PXDNL: variants seen among roughly 807,000 people sequenced by gnomAD.
PXDNL encodes probable oxidoreductase PXDNL.
In PXDNL, 145 loss-of-function variants were observed where a neutral mutation model predicts 150.8. The observed-to-expected ratio is 0.96, with a 90% confidence interval of 0.84 to 1.10. The LOEUF is 1.10. Ranked by LOEUF, PXDNL falls within the 50% of genes least tolerant of loss-of-function variation. PXDNL has a pLI of 0.00. For synonymous variants in PXDNL, 757 were observed against 725.7 expected (o/e 1.04, Z -0.69); for missense variants, 2,087 against 1,873.9 (o/e 1.11, Z -2.10).
chr8:51,366,059 T>A (rs931341972), intron 19 of PXDNL, among the ~76,000 whole-genome samples: 2 of 152,190 alleles, frequency 1.3e-5, no homozygotes, highest in South Asian at 2.1e-4. Context: ...ACATTTACGA[T>A]GATGACAGAG....
At chr8:51,379,710 C>T (rs974684996) in intron 17 of PXDNL, among the ~76,000 whole-genome samples, 1 of 151,842 alleles carries the variant, frequency 6.6e-6, no homozygotes, top group African/African-American at 2.4e-5. Context: ...ATTTTGTGTA[C>T]CTTACTAAAA....
chr8:51,515,184 C>G (rs996335804), intron 4 of PXDNL, among the ~76,000 whole-genome samples: 1 of 152,108 alleles, frequency 6.6e-6, no homozygotes, highest in African/African-American at 2.4e-5. Flanking sequence ...GAGGGACAAT[C>G]GGGGTGATAT....
In PXDNL at chr8:51,425,858, G is replaced by A. The variant is rs534913487; in HGVS notation, c.1638+788C>T. Among the ~76,000 whole-genome samples, 9 of 152,142 alleles carry A rather than the reference G, an allele frequency of 5.9e-5. No homozygotes were observed. In the East Asian group the frequency reaches 1.4e-3, roughly 23 times the overall value. On this transcript the variant is annotated intron_variant, in intron 13 of 22. Coordinates refer to ENST00000356297, the MANE Select transcript of PXDNL (RefSeq NM_144651.5). Reference sequence around the variant, plus strand: ...ACAAAAAAATTCAGACTACTGAGAGGACATGAACCGAAAGACACCTAAACT... The same window carrying A: ...ACAAAAAAATTCAGACTACTGAGAGAACATGAACCGAAAGACACCTAAACT...
rs146013463 is a variant in PXDNL at position 51,572,127 on chromosome 8, C to T, written c.309-15216G>A. Reference sequence around the variant, plus strand: ...ATAATGGGTTTATCAGGACATAACCCCATCATAAGTTAAGCAGCACTTGCA... The same window carrying T: ...ATAATGGGTTTATCAGGACATAACCTCATCATAAGTTAAGCAGCACTTGCA... On this transcript the variant is annotated intron_variant, in intron 3 of 22. Coordinates refer to ENST00000356297, the MANE Select transcript of PXDNL (RefSeq NM_144651.5). 1.2e-3 allele frequency among the ~76,000 whole-genome samples: 183 copies of T among 151,540 alleles called. 2 individuals are homozygous for T. The East Asian group carries it at 0.034, about 29-fold the overall frequency.
rs995046352 is a variant in PXDNL at position 51,701,456 on chromosome 8, G to A, written c.165-46696C>T. Among the ~76,000 whole-genome samples the A allele has an allele frequency of 3.9e-5, 6 of 152,242 alleles. No individual in the cohort carries two copies. The South Asian group carries it at 1.0e-3, about 26-fold the overall frequency. On this transcript the variant is annotated intron_variant, in intron 1 of 22. Coordinates refer to ENST00000356297, the MANE Select transcript of PXDNL (RefSeq NM_144651.5). ...ATAATCATTTTCTCCTTGCCATAGA[G>A]GAGGGTGAGTTAGAAATTCCAGGGC... is the stretch of plus-strand genomic sequence containing the variant.
In PXDNL at chr8:51,612,033, C is replaced by T. The variant is rs866189102; in HGVS notation, c.237-19335G>A. Among the ~76,000 whole-genome samples the T allele has an allele frequency of 2.0e-5, 3 of 152,228 alleles. No individual in the cohort carries two copies. In the South Asian group the frequency reaches 6.2e-4, roughly 32 times the overall value. On this transcript the variant is annotated intron_variant, in intron 2 of 22. Transcript: ENST00000356297. ...TATGCTTCCCCTTCTCTTGAAAGCACTGGGGACTCAAGAGTCCTTTAACCA... is the reference window on the plus strand; with the variant it reads ...TATGCTTCCCCTTCTCTTGAAAGCATTGGGGACTCAAGAGTCCTTTAACCA...
At chr8:51,377,621 G>A (rs761259163) in intron 17 of PXDNL, among the ~76,000 whole-genome samples, 16 of 152,212 alleles carry the variant, frequency 1.1e-4, no homozygotes, top group East Asian at 5.8e-4. Context: ...GCAGCTCGCC[G>A]GCACCACCCG....
chr8:51,611,462 A>G (rs759137744), intron 2 of PXDNL, among the ~76,000 whole-genome samples: 5 of 152,366 alleles, frequency 3.3e-5, no homozygotes, highest in East Asian at 3.9e-4. Context: ...GTTTAAATAT[A>G]GTGATTAAAC....
intron 17 of PXDNL, among the ~76,000 whole-genome samples, chr8:51,406,295 T>A (rs564942014): frequency 1.3e-5 from 2 of 152,214 alleles, no homozygotes; most frequent in Non-Finnish European, 2.9e-5. Flanking sequence ...TCTGATAGGA[T>A]TGCATACATG....
At chr8:51,599,795 A>G (rs1186275332) in intron 2 of PXDNL, among the ~76,000 whole-genome samples, 1 of 142,948 alleles carries the variant, frequency 7.0e-6, no homozygotes, top group South Asian at 2.1e-4. Flanking sequence ...GATATCGTTT[A>G]GATAATAAAT....
At chr8:51,779,643 C>A (rs2037390921) in intron 1 of PXDNL, among the ~76,000 whole-genome samples, 1 of 152,198 alleles carries the variant, frequency 6.6e-6, no homozygotes, top group Admixed American at 6.5e-5. Context: ...TTCTGGTCCA[C>A]CAAGTATGTG....
intron 1 of PXDNL, among the ~76,000 whole-genome samples, chr8:51,751,729 T>A (rs1003620468): frequency 1.6e-4 from 25 of 152,324 alleles, no homozygotes; most frequent in Middle Eastern, 6.8e-3. Flanking sequence ...GCTTTAATAC[T>A]TTTTCTTTCT....
chr8:51,800,749 T>C (rs963846086), intron 1 of PXDNL, among the ~76,000 whole-genome samples: 2 of 152,226 alleles, frequency 1.3e-5, no homozygotes, highest in African/African-American at 2.4e-5. Flanking sequence ...CATTTATCAG[T>C]TCCCCAAAAT....
chr8:51,780,708 G>A (rs187523948), intron 1 of PXDNL, among the ~76,000 whole-genome samples: 70 of 132,368 alleles, frequency 5.3e-4, no homozygotes, highest in Admixed American at 4.9e-3. Flanking sequence ...CACCCAGGCT[G>A]GAGTGCTGTG....
chr8:51,654,159 C>T (rs529432770), intron 2 of PXDNL, among the ~76,000 whole-genome samples: 1 of 152,238 alleles, frequency 6.6e-6, no homozygotes, highest in South Asian at 2.1e-4. Flanking sequence ...AAAATAAATG[C>T]CTTTAAACTT....
chr8:51,332,536 G>A (rs1805720126), intron 21 of PXDNL, among the ~76,000 whole-genome samples: 1 of 151,588 alleles, frequency 6.6e-6, no homozygotes, highest in South Asian at 2.1e-4. Flanking sequence ...ATCAGAGAGG[G>A]ACCAGAGAAA....
In PXDNL at chr8:51,699,577, G is replaced by A. The variant is rs147047056; in HGVS notation, c.165-44817C>T. 2.3e-3 allele frequency among the ~76,000 whole-genome samples: 351 copies of A among 152,266 alleles called. 1 individual carries two copies. Among genetic ancestry groups the A allele is most frequent in the African/African-American group, 8.0e-3 (332 of 41,552 alleles). On this transcript the variant is annotated intron_variant, in intron 1 of 22. Transcript: ENST00000356297. The stretch of plus-strand genomic sequence containing the variant: ...GAGTAGCACTTTTAGTTTCCTTCAA[G>A]AACTTTTCCTTTGCATTCACAACTT...
At chr8:51,550,411 G>A (rs537587449) in intron 4 of PXDNL, among the ~76,000 whole-genome samples, 1 of 152,164 alleles carries the variant, frequency 6.6e-6, no homozygotes, top group South Asian at 2.1e-4. Flanking sequence ...TGTCCCTGAT[G>A]AAAATGATGC....
chr8:51,619,661 C>A (rs1053107652), intron 2 of PXDNL, among the ~76,000 whole-genome samples: 1 of 152,296 alleles, frequency 6.6e-6, no homozygotes, highest in East Asian at 1.9e-4. Context: ...CATGCCTTCT[C>A]CCCCTTAGCC....
Sources: allele counts gnomAD v4.1 joint callset (sites outside exome capture counted in the v4.1 genomes callset), GRCh38; gene constraint gnomAD v4.1.1; transcripts MANE v1.5; gene names NCBI Gene and HGNC (gene_info 2026-07-23, HGNC 2026-07-21).